The following GCNT2 variants were observed in gnomAD, a reference collection of about 807,000 sequenced individuals.
The protein encoded by GCNT2 is N-acetyllactosaminide beta-1,6-N-acetylglucosaminyl-transferase.
Under a neutral mutation model 34.2 loss-of-function variants are expected in GCNT2, and 34 were observed. That is an observed-to-expected ratio of 1.00 (90% CI 0.76 to 1.32). The LOEUF (loss-of-function observed/expected upper bound fraction) is 1.32. Ranked by LOEUF, GCNT2 falls within the 40% of genes most tolerant of loss-of-function variation. The probability of loss-of-function intolerance (pLI) is 0.00; values close to 1 mark genes in which losing one functional copy is unlikely to be tolerated. For missense variants in GCNT2, 584 were observed against 489.4 expected (o/e 1.19, Z -1.82); for synonymous variants, 212 against 188.0 (o/e 1.13, Z -1.04).
intron 1 of GCNT2, among the ~76,000 whole-genome samples, chr6:10,524,364 G>A (rs1378271800): frequency 2.0e-5 from 3 of 151,074 alleles, no homozygotes; most frequent in Non-Finnish European, 2.9e-5. Flanking sequence ...CGATTCTCCT[G>A]CCTCAGCCTC....
At chr6:10,593,664 G>A (rs1237369101) in intron 3 of GCNT2, among the ~76,000 whole-genome samples, 1 of 152,056 alleles carries the variant, frequency 6.6e-6, no homozygotes, top group Non-Finnish European at 1.5e-5. Flanking sequence ...ATGAAGTATT[G>A]CATTTTGATG....
chr6:10,575,929 G>A (rs1269452203), intron 3 of GCNT2, among the ~76,000 whole-genome samples: 1 of 147,388 alleles, frequency 6.8e-6, no homozygotes, highest in South Asian at 2.1e-4. Context: ...CTTATAAAAC[G>A]GCCCCACCCC....
At chr6:10,623,979 T>C (rs1351560491) in intron 4 of GCNT2, among the ~76,000 whole-genome samples, 1 of 152,206 alleles carries the variant, frequency 6.6e-6, no homozygotes, top group Non-Finnish European at 1.5e-5. Flanking sequence ...TTCCTAACCC[T>C]AATCATTACC....
intron 3 of GCNT2, among the ~76,000 whole-genome samples, chr6:10,583,454 A>T (rs1032125786): frequency 3.9e-5 from 6 of 151,992 alleles, no homozygotes; most frequent in Admixed American, 6.6e-5. Context: ...GCCACAGTTG[A>T]TCCTTTAGTT....
At chr6:10,622,542 C>A (rs967649546) in intron 4 of GCNT2, among the ~76,000 whole-genome samples, 4 of 151,876 alleles carry the variant, frequency 2.6e-5, no homozygotes, top group African/African-American at 4.8e-5. Context: ...CTTTAAAGAC[C>A]CTGTCTCCAC....
At chr6:10,541,005 GTT>G (rs1762014335) in intron 3 of GCNT2, among the ~76,000 whole-genome samples, 1 of 152,126 alleles carries the variant, frequency 6.6e-6, no homozygotes, top group Non-Finnish European at 1.5e-5. Context: ...TTTGTATATT[GTT>G]TTTGTTTTCT....
intron 3 of GCNT2, among the ~76,000 whole-genome samples, chr6:10,597,736 A>G (rs1028344569): frequency 1.3e-5 from 2 of 152,076 alleles, no homozygotes; most frequent in African/African-American, 4.8e-5. Flanking sequence ...TGCTGGGATT[A>G]TAGGCGTGAG....
At chr6:10,555,968 G>C in intron 3 of GCNT2, 2 of 1,034,930 alleles carry the variant, frequency 1.9e-6, no homozygotes, top group Non-Finnish European at 2.3e-6. Flanking sequence ...GCAGGAAGCG[G>C]CACGCCTGCC....
chr6:10,600,134 T>G (rs964615634), intron 3 of GCNT2, among the ~76,000 whole-genome samples: 1 of 152,318 alleles, frequency 6.6e-6, no homozygotes, highest in South Asian at 2.1e-4. Context: ...ATTTAGTGCT[T>G]CTTATAATTT....
Position 10,549,561 on chromosome 6 carries a change from CTCTTTTTTTTTTTTTTTT to C in GCNT2, c.925+19727_925+19744del, listed in dbSNP as rs1288864200. On this transcript the variant is annotated intron_variant, in intron 3 of 4. Transcript: ENST00000495262. ...ACTTCCTTTCTCTCTCAATCTCTCT[CTCTTTTTTTTTTTTTTTT>C]TTTTTTTTTTGAGACAGGGTCTCGC... 2.7e-5 allele frequency among the ~76,000 whole-genome samples: 3 copies of C among 111,298 alleles called. 1 individual carries two copies. The South Asian group carries it at 8.2e-4, about 31-fold the overall frequency. The allele number at this position is 111,298 out of a possible 152,430, so 73.0% of individuals were successfully genotyped here.
At chr6:10,531,695 A>G (rs1303815748) in intron 3 of GCNT2, among the ~76,000 whole-genome samples, 1 of 152,170 alleles carries the variant, frequency 6.6e-6, no homozygotes, top group Non-Finnish European at 1.5e-5. Flanking sequence ...TGGGGAAAGC[A>G]CAGAGCTGTT....
At chr6:10,564,553 C>T (rs1763192276) in intron 3 of GCNT2, among the ~76,000 whole-genome samples, 1 of 152,196 alleles carries the variant, frequency 6.6e-6, no homozygotes, top group Non-Finnish European at 1.5e-5. Flanking sequence ...ATCTGTCAAC[C>T]TTGGTCTTAG....
chr6:10,578,813 A>G (rs542183408), intron 3 of GCNT2, among the ~76,000 whole-genome samples: 1 of 152,296 alleles, frequency 6.6e-6, no homozygotes, highest in East Asian at 1.9e-4. Flanking sequence ...AAGTTAACTT[A>G]GATCCATTTT....
chr6:10,549,470 T>C (rs1292911984), intron 3 of GCNT2, among the ~76,000 whole-genome samples: 1 of 151,954 alleles, frequency 6.6e-6, no homozygotes, highest in Non-Finnish European at 1.5e-5. Context: ...TTCACACTTC[T>C]CCATCAGGGC....
chr6:10,598,947 G>A (rs1036901417), intron 3 of GCNT2, among the ~76,000 whole-genome samples: 2 of 152,194 alleles, frequency 1.3e-5, no homozygotes, highest in Non-Finnish European at 1.5e-5. Context: ...CTGGAATGGC[G>A]CATGGTGCCT....
At chr6:10,549,231 A>C (rs1041418739) in intron 3 of GCNT2, among the ~76,000 whole-genome samples, 1 of 152,172 alleles carries the variant, frequency 6.6e-6, no homozygotes, top group Non-Finnish European at 1.5e-5. Context: ...AATAGTGCCC[A>C]CGCTGAGAAA....
intron 3 of GCNT2, among the ~76,000 whole-genome samples, chr6:10,605,951 C>G (rs1219035635): frequency 2.0e-5 from 3 of 152,172 alleles, no homozygotes; most frequent in African/African-American, 7.2e-5. Flanking sequence ...CTCTCCTTCT[C>G]TGATGGGCTT....
At chr6:10,569,247 A>ACC (rs1017909190) in intron 3 of GCNT2, among the ~76,000 whole-genome samples, 2 of 146,024 alleles carry the variant, frequency 1.4e-5, no homozygotes, top group African/African-American at 5.1e-5. Flanking sequence ...ACACACACAC[A>ACC]CACACACACA....
At chr6:10,535,757 G>A (rs1488805014) in intron 3 of GCNT2, among the ~76,000 whole-genome samples, 1 of 152,194 alleles carries the variant, frequency 6.6e-6, no homozygotes, top group Non-Finnish European at 1.5e-5. Context: ...CTGGGAGCAG[G>A]CTTTGTGGGC....
Sources: gnomAD v4.1 joint callset for allele counts (sites outside exome capture counted in the v4.1 genomes callset) on GRCh38, gnomAD v4.1.1 for gene constraint, MANE v1.5 for transcripts, NCBI Gene and HGNC (gene_info 2026-07-23, HGNC 2026-07-21) for gene names.